Variants in IFT140 observed in about 807,000 individuals in gnomAD.
IFT140 encodes intraflagellar transport protein 140 homolog.
IFT140 carries 133 observed loss-of-function variants against 164.6 expected under a neutral mutation model. The ratio of observed to expected loss-of-function variants is 0.81; its 90% CI spans 0.70 to 0.93. IFT140 has a LOEUF of 0.93. Ranked by LOEUF, IFT140 falls within the 40% of genes least tolerant of loss-of-function variation. IFT140 has a pLI of 0.00. For missense variants in IFT140, 2,045 were observed against 1,972.3 expected (o/e 1.04, Z -0.70); for synonymous variants, 860 against 817.3 (o/e 1.05, Z -0.89).
intron 4 of IFT140, among the ~76,000 whole-genome samples, chr16:1,599,128 C>A (rs1406561095): frequency 1.3e-5 from 1 of 76,048 alleles, no homozygotes; most frequent in East Asian, 4.6e-4. Flanking sequence ...AGGTGAGGAG[C>A]GTCTCTGCCC....
intron 2 of IFT140, among the ~76,000 whole-genome samples, chr16:1,607,665 A>G (rs2036145339): frequency 6.6e-6 from 1 of 152,174 alleles, no homozygotes; most frequent in South Asian, 2.1e-4. Context: ...AACTTTTTAG[A>G]CCAAGTCTTG....
intron 3 of IFT140, among the ~76,000 whole-genome samples, chr16:1,605,763 C>G (rs1008495678): frequency 6.6e-6 from 1 of 152,080 alleles, no homozygotes; most frequent in Admixed American, 6.5e-5. Context: ...TTATCGAAGT[C>G]TGAGGAGCTT....
At chr16:1,528,382 C>T (rs144894666) in intron 19 of IFT140, among the ~76,000 whole-genome samples, 1,972 of 151,276 alleles carry the variant, frequency 0.013, 47 homozygotes, top group African/African-American at 0.045. Flanking sequence ...CATGCACGCA[C>T]GTGTGCACAC....
At chr16:1,558,426 T>C (rs1056359658) in intron 18 of IFT140, among the ~76,000 whole-genome samples, 13 of 152,208 alleles carry the variant, frequency 8.5e-5, no homozygotes, top group African/African-American at 3.1e-4. Context: ...TGATTTCAGG[T>C]AGAATTTTCC....
chr16:1,523,748 G>C (rs748256631), intron 25 of IFT140, 48 bp from the exon 26 acceptor site: 2 of 1,605,636 alleles, frequency 1.2e-6, no homozygotes, highest in Admixed American at 1.7e-5. Flanking sequence ...CTGGGGGCCC[G>C]AGCACGGAGG....
At chr16:1,580,716 T>G (rs1424883984) in intron 13 of IFT140, 43 bp downstream of exon 13, 1 of 1,350,048 alleles carries the variant, frequency 7.4e-7, no homozygotes, top group Admixed American at 1.7e-5. Context: ...AGGCAGGATT[T>G]CAAACTCTGC....
intron 6 of IFT140, among the ~76,000 whole-genome samples, 159 bp from the exon 7 acceptor site, chr16:1,589,939 G>A (rs532061968): frequency 1.3e-5 from 2 of 152,328 alleles, no homozygotes; most frequent in Admixed American, 1.3e-4. Context: ...GCTCATGCCT[G>A]TAATCCCAGC....
intron 19 of IFT140, 46 bp downstream of exon 19, chr16:1,557,889 G>GT (rs779906147): frequency 7.5e-4 from 1,176 of 1,570,062 alleles, no homozygotes; most frequent in Non-Finnish European, 9.6e-4. Context: ...GGAAAGAGCC[G>GT]TGAGCACGCG....
rs761839110 is a variant in IFT140, at chr16:1,602,526, C to CGGGTGCCAGCACA, written c.200_212dup (p.Thr72ValfsTer22). On this transcript the variant is annotated frameshift_variant, in exon 4 of 31. Coordinates refer to ENST00000426508, the MANE Select transcript of IFT140 (RefSeq NM_014714.4). LOFTEE classifies it high-confidence loss of function. Reference sequence around the variant, plus strand: ...AGCCCACAGCCAGCACCAGCCGCGTCGGGTGCCAGCACAGGGAAGCAACCC... The same window carrying CGGGTGCCAGCACA: ...AGCCCACAGCCAGCACCAGCCGCGTCGGGTGCCAGCACAGGGTGCCAGCACAGGGAAGCAACCC... 8 of 1,614,114 alleles carry CGGGTGCCAGCACA rather than the reference C, an allele frequency of 5.0e-6. No homozygotes were observed. Among genetic ancestry groups the CGGGTGCCAGCACA allele is most frequent in the Non-Finnish European group, 5.9e-6 (7 of 1,180,040 alleles).
intron 13 of IFT140, chr16:1,578,081 G>C (rs1021419158): frequency 6.6e-6 from 1 of 152,188 alleles, no homozygotes; most frequent in East Asian, 1.9e-4. Flanking sequence ...ATGTGGTCGC[G>C]GCAGCTCCCT....
chr16:1,563,954 CCA>C (rs1235226965), intron 17 of IFT140, 41 bp downstream of exon 17: 1 of 1,501,862 alleles, frequency 6.7e-7, no homozygotes, highest in African/African-American at 1.4e-5. Context: ...TGTCAAATGG[CCA>C]CTGAGTGTGT....
At chr16:1,572,654 A>G (rs2034083759) in intron 13 of IFT140, among the ~76,000 whole-genome samples, 1 of 152,154 alleles carries the variant, frequency 6.6e-6, no homozygotes, top group Non-Finnish European at 1.5e-5. Flanking sequence ...TCAAAGAAAC[A>G]ACAACAAAAA....
At chr16:1,590,123 C>A (rs575427666) in intron 6 of IFT140, among the ~76,000 whole-genome samples, 2 of 151,440 alleles carry the variant, frequency 1.3e-5, no homozygotes, top group South Asian at 4.2e-4. Flanking sequence ...ATCACTTGAA[C>A]CCCGGAGGTG....
At chr16:1,606,381 C>T (rs560570900) in intron 3 of IFT140, among the ~76,000 whole-genome samples, 5 of 152,350 alleles carry the variant, frequency 3.3e-5, no homozygotes, top group East Asian at 3.9e-4. Context: ...AAATAGCCAG[C>T]GTGAAAGAAC....
intron 19 of IFT140, among the ~76,000 whole-genome samples, chr16:1,529,843 G>A (rs1042037578): frequency 4.6e-5 from 7 of 152,194 alleles, no homozygotes; most frequent in South Asian, 2.1e-4. Flanking sequence ...TCCCCAGAAC[G>A]CTGCTGGGCC....
chr16:1,556,139 T>A (rs957397286), intron 19 of IFT140, among the ~76,000 whole-genome samples: 2 of 152,228 alleles, frequency 1.3e-5, no homozygotes, highest in Admixed American at 6.5e-5. Flanking sequence ...ACCTTCAGCC[T>A]ATCTTTAGCG....
chr16:1,582,273 T>G (rs2034613128), intron 12 of IFT140, among the ~76,000 whole-genome samples: 1 of 152,086 alleles, frequency 6.6e-6, no homozygotes, highest in Admixed American at 6.6e-5. Flanking sequence ...CTAAATACAC[T>G]CACGAGTGTC....
At chr16:1,535,988 T>C (rs1397392313) in intron 19 of IFT140, among the ~76,000 whole-genome samples, 4 of 152,224 alleles carry the variant, frequency 2.6e-5, no homozygotes, top group African/African-American at 7.2e-5. Context: ...GCAGCCCCGT[T>C]ACTGTGCTGA....
At chr16:1,514,425 T>C (rs1243546931) in intron 30 of IFT140, 1 of 152,088 alleles carries the variant, frequency 6.6e-6, no homozygotes, top group Non-Finnish European at 1.5e-5. Context: ...GCAGCTGGAA[T>C]GTGAAGGTGG....
Sources: gnomAD v4.1 joint callset for allele counts (sites outside exome capture counted in the v4.1 genomes callset) on GRCh38, gnomAD v4.1.1 for gene constraint, MANE v1.5 for transcripts, NCBI Gene and HGNC (gene_info 2026-07-23, HGNC 2026-07-21) for gene names.